The following KIF21A variants were observed in gnomAD, a reference collection of about 807,000 sequenced individuals.
KIF21A encodes the protein kinesin-like protein KIF21A.
A neutral mutation model predicts 202.9 loss-of-function variants in KIF21A; 114 were observed. The observed-to-expected ratio is 0.56, with a 90% CI of 0.48 to 0.66. KIF21A has a LOEUF of 0.66. Among genes scored for constraint, KIF21A ranks in the 30% least tolerant of loss-of-function variants. KIF21A has a pLI of 0.00. For missense variants in KIF21A, 1,677 were observed against 1,994.9 expected (o/e 0.84, Z 3.04); for synonymous variants, 667 against 670.8 (o/e 0.99, Z 0.09).
intron 26 of KIF21A, among the ~76,000 whole-genome samples, chr12:39,325,447 T>C (rs1945768501): frequency 6.6e-6 from 1 of 150,520 alleles, no homozygotes; most frequent in Non-Finnish European, 1.5e-5. Flanking sequence ...TTCTCCTGCC[T>C]CAGCCTCCCG....
chr12:39,327,658 G>C (rs1033591697), intron 24 of KIF21A, among the ~76,000 whole-genome samples: 1 of 152,150 alleles, frequency 6.6e-6, no homozygotes, highest in Non-Finnish European at 1.5e-5. Flanking sequence ...AGAGATAATG[G>C]TGTCTTGACA....
intron 7 of KIF21A, among the ~76,000 whole-genome samples, chr12:39,362,756 G>A (rs1158792290): frequency 2.6e-5 from 4 of 151,958 alleles, no homozygotes; most frequent in Non-Finnish European, 5.9e-5. Flanking sequence ...TTTCTATTCT[G>A]TGCTAAGTAC....
intron 1 of KIF21A, among the ~76,000 whole-genome samples, chr12:39,388,730 G>T (rs1288944573): frequency 1.3e-5 from 2 of 152,146 alleles, no homozygotes; most frequent in Admixed American, 1.3e-4. Context: ...TTGTTGTAAA[G>T]ATATATCTCT....
At chr12:39,322,987 G>A (rs544326791) in intron 26 of KIF21A, 105 bp from the exon 27 acceptor site, 26 of 852,954 alleles carry the variant, frequency 3.0e-5, no homozygotes, top group Admixed American at 1.9e-4. Flanking sequence ...AACATTTAGC[G>A]TGTCTTTTCC....
At chr12:39,297,868 A>G (rs1272594412) in intron 37 of KIF21A, among the ~76,000 whole-genome samples, 1 of 149,876 alleles carries the variant, frequency 6.7e-6, no homozygotes, top group Non-Finnish European at 1.5e-5. Context: ...GGCAATAATA[A>G]TAATTATTAT....
At chr12:39,409,691 G>A (rs770110681) in intron 1 of KIF21A, among the ~76,000 whole-genome samples, 24 of 152,062 alleles carry the variant, frequency 1.6e-4, no homozygotes, top group South Asian at 4.2e-4. Flanking sequence ...TGACAAAGGC[G>A]ACTTTGCAGA....
At chr12:39,398,884 T>A (rs895652990) in intron 1 of KIF21A, among the ~76,000 whole-genome samples, 4 of 150,842 alleles carry the variant, frequency 2.7e-5, no homozygotes, top group African/African-American at 9.7e-5. Flanking sequence ...CTCAAAAAAA[T>A]TAAAAATAAC....
Position 39,293,372 on chromosome 12 carries a change from A to C in KIF21A, c.*1052T>G, listed in dbSNP as rs986247614. ...ATTAAACTTGCAGAATTTACAAATT[A>C]ATATTCTGAGCAGACAGAAATATTA... On this transcript the variant is annotated 3_prime_UTR_variant, in exon 38 of 38. Coordinates refer to ENST00000361418, the MANE Select transcript of KIF21A (RefSeq NM_001173464.2). 1 of 152,754 alleles carries C rather than the reference A, an allele frequency of 6.5e-6. No homozygotes were observed. Among genetic ancestry groups the C allele is most frequent in the Non-Finnish European group, 1.5e-5 (1 of 68,016 alleles). 9.5% of individuals were successfully genotyped at this position (152,754 alleles called of 1,614,324 possible).
At chr12:39,307,863 C>G in intron 33 of KIF21A, 134 bp from the exon 34 acceptor site, 1 of 712,914 alleles carries the variant, frequency 1.4e-6, no homozygotes, top group South Asian at 1.5e-5. Context: ...TGTATACTAC[C>G]TAGCACAGCA....
At chr12:39,318,823 AC>A (rs1944870453) in intron 28 of KIF21A, among the ~76,000 whole-genome samples, 1 of 152,164 alleles carries the variant, frequency 6.6e-6, no homozygotes, top group Non-Finnish European at 1.5e-5. Context: ...TACTAAAAAT[AC>A]AAAAAAATTA....
At chr12:39,416,518 C>T (rs1049203504) in intron 1 of KIF21A, among the ~76,000 whole-genome samples, 7 of 151,162 alleles carry the variant, frequency 4.6e-5, no homozygotes, top group African/African-American at 7.3e-5. Context: ...ATCGCTTGAA[C>T]CCGGGAGGTG....
In KIF21A at chr12:39,422,132, T is replaced by G. The variant is rs549472459; in HGVS notation, c.44+20795A>C. ...TACCACCACATCCAGCTAATTTTTGTTTTTTTTTTTAATAGAGAGGGTTTC... is the reference window on the plus strand; with the variant it reads ...TACCACCACATCCAGCTAATTTTTGGTTTTTTTTTTAATAGAGAGGGTTTC... On this transcript the variant is annotated intron_variant, in intron 1 of 37. Coordinates refer to ENST00000361418, the MANE Select transcript of KIF21A (RefSeq NM_001173464.2). Among the ~76,000 whole-genome samples the G allele has an allele frequency of 4.9e-5, 7 of 142,076 alleles. No homozygotes were observed. The East Asian group carries it at 1.0e-3, about 20-fold the overall frequency. The allele number at this position is 142,076 out of a possible 152,430, so 93.2% of individuals were successfully genotyped here.
chr12:39,381,028 G>A (rs776042120), intron 1 of KIF21A, among the ~76,000 whole-genome samples: 47 of 152,060 alleles, frequency 3.1e-4, no homozygotes, highest in Middle Eastern at 3.4e-3. Context: ...TTTCATGGCC[G>A]GGCATGGTGG....
chr12:39,435,504 A>G (rs763592758), intron 1 of KIF21A, among the ~76,000 whole-genome samples: 23 of 152,154 alleles, frequency 1.5e-4, no homozygotes, highest in Admixed American at 4.6e-4. Flanking sequence ...ACAGGCCTCC[A>G]TTACAATCAA....
At chr12:39,361,256 G>A (rs1949184594) in intron 7 of KIF21A, among the ~76,000 whole-genome samples, 1 of 152,096 alleles carries the variant, frequency 6.6e-6, no homozygotes, top group African/African-American at 2.4e-5. Flanking sequence ...ATAAATACAG[G>A]AAAAAGCTAC....
At chr12:39,382,297 T>A (rs769183646) in intron 1 of KIF21A, among the ~76,000 whole-genome samples, 1 of 152,154 alleles carries the variant, frequency 6.6e-6, no homozygotes, top group Non-Finnish European at 1.5e-5. Flanking sequence ...TAATTTGGTG[T>A]TCAAAAAAGA....
chr12:39,434,718 A>G (rs1938441434), intron 1 of KIF21A, among the ~76,000 whole-genome samples: 1 of 152,188 alleles, frequency 6.6e-6, no homozygotes, highest in Non-Finnish European at 1.5e-5. Context: ...TATATGAATG[A>G]ATTTTGATCC....
intron 1 of KIF21A, among the ~76,000 whole-genome samples, chr12:39,422,519 G>A (rs914409207): frequency 3.3e-5 from 5 of 151,940 alleles, no homozygotes; most frequent in Admixed American, 6.6e-5. Context: ...ACAATAAAAC[G>A]GTAGGCAACT....
chr12:39,330,532 G>A (rs1565798363), intron 23 of KIF21A, among the ~76,000 whole-genome samples: 2 of 152,184 alleles, frequency 1.3e-5, no homozygotes, highest in Non-Finnish European at 2.9e-5. Flanking sequence ...ATAAGGTTAA[G>A]TAAGCCATTT....
Sources: gnomAD v4.1 joint callset for allele counts (sites outside exome capture counted in the v4.1 genomes callset) on GRCh38, gnomAD v4.1.1 for gene constraint, MANE v1.5 for transcripts, NCBI Gene and HGNC (gene_info 2026-07-23, HGNC 2026-07-21) for gene names.